WWC1: variants seen among roughly 807,000 people sequenced by gnomAD.
WWC1 encodes protein KIBRA.
Under a neutral mutation model 138.4 loss-of-function variants are expected in WWC1, and 55 were observed. That is an observed-to-expected ratio of 0.40 (90% CI 0.32 to 0.50). The LOEUF (loss-of-function observed/expected upper bound fraction) is 0.50. WWC1 is among the 20% of genes least tolerant of loss of function. WWC1 has a pLI of 0.72. For synonymous variants in WWC1, 524 were observed against 564.9 expected (o/e 0.93, Z 1.03); for missense variants, 1,226 against 1,420.4 (o/e 0.86, Z 2.20).
At chr5:168,385,560 G>C (rs1777982533) in intron 3 of WWC1, 146 bp downstream of exon 3, 2 of 782,726 alleles carry the variant, frequency 2.6e-6, no homozygotes, top group Admixed American at 5.6e-5. Context: ...TGCTCTTCCT[G>C]CTCCTACCTG....
intron 21 of WWC1, among the ~76,000 whole-genome samples, chr5:168,466,290 G>T (rs1327469673): frequency 6.6e-6 from 1 of 152,118 alleles, no homozygotes; most frequent in African/African-American, 2.4e-5. Context: ...GGACCAATAT[G>T]CAAGGGCCAA....
chr5:168,430,308 C>G, intron 14 of WWC1, 85 bp downstream of exon 14: 2 of 1,116,678 alleles, frequency 1.8e-6, no homozygotes, highest in East Asian at 5.1e-5. Flanking sequence ...CTGTCCTGAT[C>G]CAGTTATGGG....
chr5:168,329,961 T>C (rs1384998075), intron 1 of WWC1, among the ~76,000 whole-genome samples: 2 of 151,962 alleles, frequency 1.3e-5, no homozygotes, highest in Non-Finnish European at 2.9e-5. Flanking sequence ...AATACAAAAA[T>C]TAGCCGGGCG....
At chr5:168,303,615 A>G (rs1770287159) in intron 1 of WWC1, among the ~76,000 whole-genome samples, 1 of 152,168 alleles carries the variant, frequency 6.6e-6, no homozygotes, top group Non-Finnish European at 1.5e-5. Flanking sequence ...TCAAGAAGAA[A>G]GCAGGCAAGC....
intron 1 of WWC1, among the ~76,000 whole-genome samples, chr5:168,293,138 G>C (rs1024448608): frequency 6.6e-6 from 1 of 152,198 alleles, no homozygotes; most frequent in Non-Finnish European, 1.5e-5. Context: ...GAGATAGCTC[G>C]GTGTGGCTCT....
chr5:168,373,952 A>G (rs1387087698), intron 2 of WWC1, among the ~76,000 whole-genome samples: 2 of 150,150 alleles, frequency 1.3e-5, no homozygotes, highest in African/African-American at 4.9e-5. Context: ...AGGCTGAGGC[A>G]GGAGAATGGC....
chr5:168,363,149 C>T (rs1776006430), intron 1 of WWC1, among the ~76,000 whole-genome samples: 1 of 152,090 alleles, frequency 6.6e-6, no homozygotes, highest in African/African-American at 2.4e-5. Flanking sequence ...GGTATAAATG[C>T]CTCCTCCTTC....
intron 2 of WWC1, among the ~76,000 whole-genome samples, chr5:168,381,371 G>A (rs1316098917): frequency 2.0e-5 from 3 of 152,278 alleles, no homozygotes; most frequent in East Asian, 1.9e-4. Context: ...AACTGGACAC[G>A]GGCCCAGCAT....
At chr5:168,366,370 C>T (rs1316265192) in intron 1 of WWC1, among the ~76,000 whole-genome samples, 2 of 152,166 alleles carry the variant, frequency 1.3e-5, no homozygotes, top group African/African-American at 2.4e-5. Context: ...TCCTTGTTTC[C>T]CATGGAAGAG....
intron 11 of WWC1, among the ~76,000 whole-genome samples, chr5:168,424,856 A>G (rs1057352602): frequency 2.6e-5 from 4 of 152,236 alleles, no homozygotes; most frequent in African/African-American, 7.2e-5. Flanking sequence ...CCCATTCTGC[A>G]TGGGGTCAGA....
chr5:168,465,610 AG>A (rs1259863138), intron 21 of WWC1, among the ~76,000 whole-genome samples: 1 of 112,018 alleles, frequency 8.9e-6, no homozygotes, highest in African/African-American at 3.5e-5. Context: ...CCCGGGCTGG[AG>A]TGTGGTGGCA....
chr5:168,427,551 T>A (rs1017717480), intron 11 of WWC1, among the ~76,000 whole-genome samples: 1 of 35,986 alleles, frequency 2.8e-5, no homozygotes, highest in Non-Finnish European at 4.5e-5. Context: ...TTTTTTAATT[T>A]TTTTTTTTTT....
At chr5:168,451,037 C>T (rs1046671459) in intron 17 of WWC1, among the ~76,000 whole-genome samples, 1 of 152,040 alleles carries the variant, frequency 6.6e-6, no homozygotes, top group Non-Finnish European at 1.5e-5. Flanking sequence ...TATTTTGAGA[C>T]AGAGTTTTGC....
Position 168,453,974 on chromosome 5 carries a change from T to C in WWC1, c.2532T>C (p.Tyr844=), listed in dbSNP as rs763153163. Residue 844 remains tyrosine (Y), a synonymous_variant, in exon 18 of 23, where the codon TAT becomes TAC. Transcript: ENST00000265293. ...AAGTGCTTTGTCATCACAGGAGGTATGAGGAGACCAGTGAGAATGAGGCAG... is the reference window on the plus strand; with the variant it reads ...AAGTGCTTTGTCATCACAGGAGGTACGAGGAGACCAGTGAGAATGAGGCAG... ...STQTLEDSWR[Y]EETSENEAVA... 1.2e-6 allele frequency: 2 copies of C among 1,612,252 alleles called. No homozygotes were observed. The highest frequency in any genetic ancestry group is 2.2e-5 in the East Asian group (1 of 44,852).
intron 2 of WWC1, among the ~76,000 whole-genome samples, chr5:168,375,723 C>T (rs1208688265): frequency 1.3e-5 from 2 of 151,460 alleles, no homozygotes; most frequent in Admixed American, 6.6e-5. Context: ...TGCAGGTGCC[C>T]GCCACCACGC....
At chr5:168,408,113 C>T (rs1200425336) in intron 6 of WWC1, among the ~76,000 whole-genome samples, 1 of 151,512 alleles carries the variant, frequency 6.6e-6, no homozygotes, top group East Asian at 1.9e-4. Context: ...AGTGATCCTC[C>T]CAGCTCGGCC....
chr5:168,363,488 G>A (rs1459104428), intron 1 of WWC1, among the ~76,000 whole-genome samples: 1 of 120,508 alleles, frequency 8.3e-6, no homozygotes, highest in South Asian at 2.8e-4. Flanking sequence ...TCACGCCACT[G>A]TACTCCAGCC....
chr5:168,431,554 A>C (rs367825365), intron 15 of WWC1, 110 bp downstream of exon 15: 1 of 1,241,902 alleles, frequency 8.1e-7, no homozygotes, highest in African/African-American at 1.5e-5. Flanking sequence ...CTTCAGGAAG[A>C]AGGTTCGAAG....
At chr5:168,327,282 TA>T (rs2152763609) in intron 1 of WWC1, among the ~76,000 whole-genome samples, 1 of 152,342 alleles carries the variant, frequency 6.6e-6, no homozygotes, top group African/African-American at 2.4e-5. Flanking sequence ...TTCTTTCATT[TA>T]CCTCTTGGTT....
Sources: gnomAD v4.1 joint callset for allele counts (sites outside exome capture counted in the v4.1 genomes callset) on GRCh38, gnomAD v4.1.1 for gene constraint, MANE v1.5 for transcripts, NCBI Gene and HGNC (gene_info 2026-07-23, HGNC 2026-07-21) for gene names.